Variants in ARFGEF3 observed in about 807,000 individuals in gnomAD.
ARFGEF3 encodes ARFGEF family member 3.
A neutral mutation model predicts 221.7 loss-of-function variants in ARFGEF3; 96 were observed. The observed-to-expected ratio is 0.43, with a 90% confidence interval of 0.37 to 0.51. ARFGEF3 has a LOEUF of 0.51. ARFGEF3 is among the 20% of genes least tolerant of loss of function. The probability of loss-of-function intolerance (pLI) is 0.00; values close to 1 mark genes in which losing one functional copy is unlikely to be tolerated. For missense variants in ARFGEF3, 2,410 were observed against 2,789.9 expected (o/e 0.86, Z 3.07); for synonymous variants, 1,145 against 1,126.8 (o/e 1.02, Z -0.32).
At chr6:138,333,477 T>C (rs1305414435) in intron 32 of ARFGEF3, among the ~76,000 whole-genome samples, 3 of 152,182 alleles carry the variant, frequency 2.0e-5, no homozygotes, top group Non-Finnish European at 4.4e-5. Flanking sequence ...AGTCTTGCTC[T>C]GTTGCCCAGG....
At position 138,263,569 on chromosome 6, in the gene ARFGEF3, G is replaced by A. The variant is rs138956668; in HGVS notation, c.2086G>A (p.Val696Met). The A allele has an allele frequency of 2.5e-6, 4 of 1,611,402 alleles. No homozygotes were observed. In the East Asian group the frequency reaches 6.7e-5, roughly 27 times the overall value. ...RLLSLSNVEEVDTALQNFAST... is the reference protein window; with the variant it reads ...RLLSLSNVEEMDTALQNFAST... The stretch of plus-strand genomic sequence containing the variant: ...CCTGTCTCTCTCCAATGTAGAGGAG[G>A]TGGACACCGCTCTGCAGAACTTTGC... The change falls in exon 12 of 34, where the codon GTG becomes ATG. Residue 696 changes from valine to methionine, a missense_variant. Coordinates refer to ENST00000251691, the MANE Select transcript of ARFGEF3 (RefSeq NM_020340.5).
intron 6 of ARFGEF3, among the ~76,000 whole-genome samples, chr6:138,241,314 G>C (rs776721871): frequency 6.6e-6 from 1 of 152,184 alleles, no homozygotes; most frequent in East Asian, 1.9e-4. Flanking sequence ...TCTACCCAGA[G>C]ATATCTGCAT....
At chr6:138,199,297 A>G (rs994066133) in intron 2 of ARFGEF3, among the ~76,000 whole-genome samples, 74 of 152,334 alleles carry the variant, frequency 4.9e-4, no homozygotes, top group South Asian at 2.1e-4. Flanking sequence ...ACCTATGATT[A>G]TGATGTGAAG....
At chr6:138,188,346 G>A (rs1436150620) in intron 2 of ARFGEF3, among the ~76,000 whole-genome samples, 2 of 152,156 alleles carry the variant, frequency 1.3e-5, no homozygotes, top group Non-Finnish European at 2.9e-5. Flanking sequence ...GTCCTCCACA[G>A]TCACTTTGTC....
At chr6:138,305,011 G>T (rs1449155010) in intron 22 of ARFGEF3, among the ~76,000 whole-genome samples, 1 of 151,726 alleles carries the variant, frequency 6.6e-6, no homozygotes, top group African/African-American at 2.4e-5. Context: ...GACTGTTATG[G>T]CGGGGGCAAT....
rs756911357 is a variant in ARFGEF3, at chr6:138,164,849, T to C, written c.85+2678T>C. Among the ~76,000 whole-genome samples, 27 of 152,272 alleles carry C rather than the reference T, an allele frequency of 1.8e-4. No individual in the cohort carries two copies. The Middle Eastern group carries it at 0.014, about 77-fold the overall frequency. ...AAGAGGCAACAATAAACTTAGACCA[T>C]CTCAGGAAAACACGTCTCATCCCCC... On this transcript the variant is annotated intron_variant, in intron 1 of 33. Transcript: ENST00000251691.
chr6:138,226,474 G>T (rs1175519632), intron 4 of ARFGEF3, among the ~76,000 whole-genome samples: 1 of 152,056 alleles, frequency 6.6e-6, no homozygotes, highest in Non-Finnish European at 1.5e-5. Flanking sequence ...GGAAAGCTTT[G>T]CCCCTGTTTT....
chr6:138,217,851 C>T (rs867765288), intron 4 of ARFGEF3: 1 of 1,258,348 alleles, frequency 7.9e-7, no homozygotes, highest in South Asian at 1.8e-5. Context: ...CCTCCTACAT[C>T]ATCAAATTCT....
chr6:138,179,577 G>A (rs2114446007), intron 2 of ARFGEF3, among the ~76,000 whole-genome samples: 1 of 152,180 alleles, frequency 6.6e-6, no homozygotes, highest in Admixed American at 6.5e-5. Context: ...ATTCAGTCTA[G>A]ATAATGACAT....
chr6:138,305,560 G>A (rs1179748643), intron 22 of ARFGEF3, among the ~76,000 whole-genome samples: 2 of 148,994 alleles, frequency 1.3e-5, no homozygotes, highest in African/African-American at 2.5e-5. Context: ...GCAGTGAGCC[G>A]TGATCACATG....
At chr6:138,166,117 G>A (rs1776717566) in intron 1 of ARFGEF3, among the ~76,000 whole-genome samples, 1 of 152,230 alleles carries the variant, frequency 6.6e-6, no homozygotes, top group African/African-American at 2.4e-5. Context: ...GCAGAGTAGT[G>A]AGCTCTTTAG....
intron 12 of ARFGEF3, among the ~76,000 whole-genome samples, chr6:138,274,796 A>C (rs903017093): frequency 9.7e-5 from 4 of 41,286 alleles, no homozygotes; most frequent in African/African-American, 7.8e-4. Context: ...ACTCCGTCTC[A>C]AAAAAAAAAA....
chr6:138,300,947 T>C (rs1715791521), intron 22 of ARFGEF3, among the ~76,000 whole-genome samples: 2 of 152,258 alleles, frequency 1.3e-5, no homozygotes, highest in South Asian at 4.1e-4. Flanking sequence ...AAATTATTTC[T>C]TGATTTGCAG....
chr6:138,209,782 T>C lies in ARFGEF3; in HGVS notation c.220-128T>C, dbSNP rs1353842577. 4 of 1,208,624 alleles carry C rather than the reference T, an allele frequency of 3.3e-6. No individual in the cohort carries two copies. The Admixed American group carries it at 9.0e-5, about 27-fold the overall frequency. 74.9% of individuals were successfully genotyped at this position (1,208,624 alleles called of 1,614,324 possible). ...TTTTAACGGCACATAGCGTAAGTTC[T>C]TTCTTAATGGCCTCCAGCTACACGC... On this transcript the variant is annotated intron_variant, in intron 3 of 33. Transcript: ENST00000251691.
intron 31 of ARFGEF3, among the ~76,000 whole-genome samples, chr6:138,325,135 T>C (rs1442966153): frequency 6.6e-6 from 1 of 152,208 alleles, no homozygotes; most frequent in African/African-American, 2.4e-5. Context: ...ATTAAACAAG[T>C]TTTATGAATG....
At chr6:138,182,799 G>A (rs1479485635) in intron 2 of ARFGEF3, among the ~76,000 whole-genome samples, 1 of 152,148 alleles carries the variant, frequency 6.6e-6, no homozygotes, top group Non-Finnish European at 1.5e-5. Context: ...GTTAAGGTGA[G>A]CAAAACTGAA....
chr6:138,265,199 G>A lies in ARFGEF3; in HGVS notation c.2128+1588G>A, dbSNP rs113169890. Among the ~76,000 whole-genome samples, 36 of 152,046 alleles carry A rather than the reference G, an allele frequency of 2.4e-4. No homozygotes were observed. In the East Asian group the frequency reaches 5.2e-3, roughly 22 times the overall value. The stretch of plus-strand genomic sequence containing the variant: ...ATTACAGGCATGAGCCACTGCGCCC[G>A]GCTGGAACATTTTTTAATAAGAGAA... On this transcript the variant is annotated intron_variant, in intron 12 of 33. Transcript: ENST00000251691.
intron 2 of ARFGEF3, among the ~76,000 whole-genome samples, chr6:138,192,460 C>T (rs897863735): frequency 1.4e-4 from 21 of 152,020 alleles, no homozygotes; most frequent in African/African-American, 4.6e-4. Flanking sequence ...GCACTCCAGC[C>T]TGGGCAACAG....
intron 26 of ARFGEF3, among the ~76,000 whole-genome samples, chr6:138,316,962 C>A (rs1779936751): frequency 6.6e-6 from 1 of 152,168 alleles, no homozygotes; most frequent in East Asian, 1.9e-4. Context: ...ATCATCAGCT[C>A]CCAGGAAACC....
Sources: gnomAD v4.1 joint callset for allele counts (sites outside exome capture counted in the v4.1 genomes callset) on GRCh38, gnomAD v4.1.1 for gene constraint, MANE v1.5 for transcripts, NCBI Gene and HGNC (gene_info 2026-07-23, HGNC 2026-07-21) for gene names.